The following CELSR1 variants were observed in gnomAD, a reference collection of about 807,000 sequenced individuals.
CELSR1 encodes cadherin EGF LAG seven-pass G-type receptor 1.
A neutral mutation model predicts 249.1 loss-of-function variants in CELSR1; 110 were observed. The ratio of observed to expected loss-of-function variants is 0.44; its 90% confidence interval spans 0.38 to 0.52. CELSR1 has a LOEUF of 0.52. CELSR1 is among the 20% of genes least tolerant of loss of function. The pLI is 0.00. For missense variants in CELSR1, 4,109 were observed against 4,296.4 expected (o/e 0.96, Z 1.22); for synonymous variants, 2,113 against 1,900.0 (o/e 1.11, Z -2.92).
chr22:46,410,659 T>A lies in CELSR1; in HGVS notation c.4770-98A>T. ...TGCCTCTGTGTAGCCTCTACCACCA[T>A]AACTACTTCAGAAACCAAGCAGACA... On this transcript the variant is annotated intron_variant, in intron 6 of 34. Transcript: ENST00000674500. This position sits in a 1 kb window ranked among gnomAD's most constrained non-coding sequence, Gnocchi z 6.8. 1 of 1,269,906 alleles carries A rather than the reference T, an allele frequency of 7.9e-7. No homozygotes were observed. The highest frequency in any genetic ancestry group is 1.1e-6 in the Non-Finnish European group (1 of 905,366). The allele number at this position is 1,269,906 out of a possible 1,614,324, so 78.7% of individuals were successfully genotyped here.
intron 1 of CELSR1, among the ~76,000 whole-genome samples, chr22:46,531,497 C>T (rs756239634): frequency 7.9e-5 from 12 of 152,202 alleles, no homozygotes; most frequent in South Asian, 4.1e-4. Flanking sequence ...TGAGCCACTG[C>T]GCCTGGTCAT....
At chr22:46,460,205 A>ACCCCCACACC (rs146876401) in intron 2 of CELSR1, among the ~76,000 whole-genome samples, 4 of 134,478 alleles carry the variant, frequency 3.0e-5, no homozygotes, top group Non-Finnish European at 6.4e-5. Flanking sequence ...ACACACACAC[A>ACCCCCACACC]CACACACACA....
chr22:46,512,625 A>G lies in CELSR1; in HGVS notation c.3544+21002T>C, dbSNP rs1011955837. Among the ~76,000 whole-genome samples the G allele has an allele frequency of 1.3e-5, 2 of 152,144 alleles. No individual in the cohort carries two copies. The highest frequency in any genetic ancestry group is 4.8e-5 in the African/African-American group (2 of 41,434). ...CTATGCATTGCCTTGACATCTGCTGAAGCCAGGAGGCCTCAAATGGCCTCA... is the reference window on the plus strand; with the variant it reads ...CTATGCATTGCCTTGACATCTGCTGGAGCCAGGAGGCCTCAAATGGCCTCA... On this transcript the variant is annotated intron_variant, in intron 1 of 34. Transcript: ENST00000674500. The surrounding 1 kb of genome is among the most constrained non-coding windows in gnomAD (Gnocchi z 5.2).
At chr22:46,476,008 G>T (rs918063282) in intron 1 of CELSR1, among the ~76,000 whole-genome samples, 2 of 152,146 alleles carry the variant, frequency 1.3e-5, no homozygotes, top group Non-Finnish European at 2.9e-5. Context: ...CCAGCCTAAA[G>T]AAGTTGTGGG....
At chr22:46,369,936 C>T (rs756087821) in intron 25 of CELSR1, 132 bp from the exon 26 acceptor site, 1 of 762,622 alleles carries the variant, frequency 1.3e-6, no homozygotes. Context: ...GCAAGGAGTC[C>T]AGGGAGCCAG....
chr22:46,418,726 C>G (rs562317522), intron 5 of CELSR1, among the ~76,000 whole-genome samples: 194 of 152,312 alleles, frequency 1.3e-3, no homozygotes, highest in African/African-American at 4.4e-3. Context: ...TGCTATTAGG[C>G]TTATTGTGGG....
At chr22:46,400,037 T>C in intron 9 of CELSR1, 135 bp from the exon 10 acceptor site, 11 of 970,966 alleles carry the variant, frequency 1.1e-5, no homozygotes, top group Non-Finnish European at 1.5e-5. Context: ...GCTTAAAAAT[T>C]AGGCAAAGTT....
At chr22:46,531,495 T>C (rs913550533) in intron 1 of CELSR1, among the ~76,000 whole-genome samples, 2 of 152,224 alleles carry the variant, frequency 1.3e-5, no homozygotes, top group East Asian at 1.9e-4. Context: ...CATGAGCCAC[T>C]GCGCCTGGTC....
At position 46,433,958 on chromosome 22, in the gene CELSR1, C is replaced by T. The variant is rs544477263; in HGVS notation, c.4523-477G>A. Among the ~76,000 whole-genome samples, 6 of 152,334 alleles carry T rather than the reference C, an allele frequency of 3.9e-5. No individual in the cohort carries two copies. In the East Asian group the frequency reaches 5.8e-4, roughly 15 times the overall value. ...TTGGCCTCCCAAACTGCTGGGATAA[C>T]GGGCGTGAGCCACCGCGCCTGGCCT... On this transcript the variant is annotated intron_variant, in intron 4 of 34. Coordinates refer to ENST00000674500, the MANE Select transcript of CELSR1 (RefSeq NM_001378328.1). This position sits in a 1 kb window ranked among gnomAD's most constrained non-coding sequence, Gnocchi z 5.7.
chr22:46,382,069 G>T lies in CELSR1; in HGVS notation c.6884-19C>A. ...GGGCCTTCTGCAATGTGAGCAGAAGGTGAGGACTCTGGCAGGAGCACCTGT... is the reference window on the plus strand; with the variant it reads ...GGGCCTTCTGCAATGTGAGCAGAAGTTGAGGACTCTGGCAGGAGCACCTGT... On this transcript the variant is annotated intron_variant, in intron 20 of 34. Transcript: ENST00000674500. The T allele has an allele frequency of 6.7e-7, 1 of 1,500,574 alleles. No individual in the cohort carries two copies. The highest frequency in any genetic ancestry group is 8.9e-7 in the Non-Finnish European group (1 of 1,121,720). 93.0% of individuals were successfully genotyped at this position (1,500,574 alleles called of 1,614,324 possible).
Position 46,500,853 on chromosome 22 carries a change from G to A in CELSR1, c.3544+32774C>T, listed in dbSNP as rs185534535. Among the ~76,000 whole-genome samples the A allele has an allele frequency of 9.2e-5, 14 of 152,086 alleles. No homozygotes were observed. In the East Asian group the frequency reaches 2.1e-3, roughly 23 times the overall value. On this transcript the variant is annotated intron_variant, in intron 1 of 34. Transcript: ENST00000674500. This position sits in a 1 kb window ranked among gnomAD's most constrained non-coding sequence, Gnocchi z 4.9. The stretch of plus-strand genomic sequence containing the variant: ...CAGGCTCAGAACATCCCCCATCTGC[G>A]GGCAGAGCTGTCCTTGTAAGCACGC...
In CELSR1 at chr22:46,384,697, A is replaced by G. The variant is rs944998207; in HGVS notation, c.6740-11T>C. The G allele has an allele frequency of 1.2e-6, 2 of 1,609,272 alleles. No individual in the cohort carries two copies. Among genetic ancestry groups the G allele is most frequent in the Admixed American group, 1.7e-5 (1 of 59,272 alleles). ...TGTCGACAGCAAGAACTGGGGGGACAGTTCCTTTAATCAGACATAACTCCC... is the reference window on the plus strand; with the variant it reads ...TGTCGACAGCAAGAACTGGGGGGACGGTTCCTTTAATCAGACATAACTCCC... On this transcript the variant is annotated splice_polypyrimidine_tract_variant and intron_variant, in intron 19 of 34. Transcript: ENST00000674500.
At position 46,364,736 on chromosome 22, in the gene CELSR1, CCT is replaced by C; in HGVS notation, c.8555-2_8555-1del. 1.2e-6 allele frequency: 2 copies of C among 1,611,214 alleles called. No individual in the cohort carries two copies. Among genetic ancestry groups the C allele is most frequent in the African/African-American group, 1.3e-5 (1 of 75,042 alleles). On this transcript the variant is annotated splice_acceptor_variant, in intron 32 of 34. Coordinates refer to ENST00000674500, the MANE Select transcript of CELSR1 (RefSeq NM_001378328.1). LOFTEE classifies it high-confidence loss of function. ...CGGAACGTGGTTGGCCACAGCGTCC[CCT>C]GAGGCACGAGAGCGGTGCTCAGCAG...
In CELSR1 at chr22:46,484,351, C is replaced by T. The variant is rs1041201027; in HGVS notation, c.3545-20006G>A. ...GCCCAGCCCATGGTGGCAGCTGCCT[C>T]GGGCCCAGCCCTCCTCAGAAATGCA... On this transcript the variant is annotated intron_variant, in intron 1 of 34. Transcript: ENST00000674500. This position sits in a 1 kb window ranked among gnomAD's most constrained non-coding sequence, Gnocchi z 4.5. Among the ~76,000 whole-genome samples the T allele has an allele frequency of 3.9e-5, 6 of 152,146 alleles. No individual in the cohort carries two copies. The highest frequency in any genetic ancestry group is 1.3e-4 in the Admixed American group (2 of 15,280).
chr22:46,422,780 A>AAAAAAAAAAAAG lies in CELSR1; in HGVS notation c.4611+10612_4611+10613insCTTTTTTTTTTT, dbSNP rs1337523194. ...AGACTCCATCTCAAAAAAAAAAAAA[A>AAAAAAAAAAAAG]TGGCTCATAGTCCCATGACCCAGAT... On this transcript the variant is annotated intron_variant, in intron 5 of 34. Coordinates refer to ENST00000674500, the MANE Select transcript of CELSR1 (RefSeq NM_001378328.1). 2.5e-3 allele frequency among the ~76,000 whole-genome samples: 378 copies of AAAAAAAAAAAAG among 148,514 alleles called. 17 individuals carry two copies. The highest frequency in any genetic ancestry group is 0.015 in the South Asian group (69 of 4,750).
chr22:46,487,546 CACGGTGCAGTGCAGGT>C (rs1296314930), intron 1 of CELSR1, among the ~76,000 whole-genome samples: 3 of 62,772 alleles, frequency 4.8e-5, no homozygotes, highest in South Asian at 6.5e-4. Context: ...GAGGGGAGTC[CACGGTGCAGTGCAGGT>C]GGGGGGTGAG....
In CELSR1 at chr22:46,380,374, G is replaced by A. The variant is rs111377941; in HGVS notation, c.7256+414C>T. ...AGCCTCTCGGGCAAGACCGTCAGCA[G>A]ATGGGCTCTTAGGCCAGTCTCTGGG... is the stretch of plus-strand genomic sequence containing the variant. On this transcript the variant is annotated intron_variant, in intron 22 of 34. Coordinates refer to ENST00000674500, the MANE Select transcript of CELSR1 (RefSeq NM_001378328.1). The surrounding 1 kb of genome is among the most constrained non-coding windows in gnomAD (Gnocchi z 5.1). 3.1e-4 allele frequency among the ~76,000 whole-genome samples: 47 copies of A among 152,348 alleles called. No individual in the cohort carries two copies. Among genetic ancestry groups the A allele is most frequent in the African/African-American group, 1.1e-3 (45 of 41,584 alleles).
In CELSR1 at chr22:46,437,941, G is replaced by A. The variant is rs1185282527; in HGVS notation, c.4406+1248C>T. Among the ~76,000 whole-genome samples the A allele has an allele frequency of 6.6e-6, 1 of 152,194 alleles. No homozygotes were observed. The highest frequency in any genetic ancestry group is 6.5e-5 in the Admixed American group (1 of 15,268). On this transcript the variant is annotated intron_variant, in intron 3 of 34. Coordinates refer to ENST00000674500, the MANE Select transcript of CELSR1 (RefSeq NM_001378328.1). The surrounding 1 kb of genome is among the most constrained non-coding windows in gnomAD (Gnocchi z 4.9). ...AACTCAGTGCAGGCTTGTTTCCTGA[G>A]ACTCAGCCCCTGGGTCATACCTGAT...
At position 46,471,040 on chromosome 22, in the gene CELSR1, G is replaced by A. The variant is rs899543271; in HGVS notation, c.3545-6695C>T. On this transcript the variant is annotated intron_variant, in intron 1 of 34. Coordinates refer to ENST00000674500, the MANE Select transcript of CELSR1 (RefSeq NM_001378328.1). The surrounding 1 kb of genome is among the most constrained non-coding windows in gnomAD (Gnocchi z 4.9). The stretch of plus-strand genomic sequence containing the variant: ...CTTGGGAGACTGAGGCAGGAGAATC[G>A]CTTGAACCTGGGAGTCGGAGGTTGC... Among the ~76,000 whole-genome samples the A allele has an allele frequency of 6.6e-6, 1 of 151,938 alleles. No homozygotes were observed. Among genetic ancestry groups the A allele is most frequent in the African/African-American group, 2.4e-5 (1 of 41,368 alleles).
Sources: allele counts gnomAD v4.1 joint callset (sites outside exome capture counted in the v4.1 genomes callset), GRCh38; gene constraint gnomAD v4.1.1; non-coding constraint Gnocchi (gnomAD v3.1); transcripts MANE v1.5; gene names NCBI Gene and HGNC (gene_info 2026-07-23, HGNC 2026-07-21).